Variants in ACYP2 observed in about 807,000 individuals in gnomAD.
ACYP2 encodes the protein acylphosphatase-2.
Under a neutral mutation model 11.2 loss-of-function variants are expected in ACYP2, and 12 were observed. That is an observed-to-expected ratio of 1.08 (90% CI 0.69 to 1.74). The LOEUF is 1.74. ACYP2 is among the 40% of genes most tolerant of loss of function. The pLI is 0.00. For synonymous variants in ACYP2, 43 were observed against 32.2 expected, an observed-to-expected ratio of 1.33 and a Z score of -1.13; for missense variants, 134 against 101.9, an observed-to-expected ratio of 1.31 and a Z score of -1.35.
intron 6 of ACYP2, among the ~76,000 whole-genome samples, chr2:54,301,211 T>G (rs1009377543): frequency 1.3e-5 from 2 of 152,234 alleles, no homozygotes; most frequent in African/African-American, 4.8e-5. Context: ...TTTGCTAACA[T>G]TACCAACATT....
chr2:54,202,076 C>G (rs116684352), intron 6 of ACYP2, among the ~76,000 whole-genome samples: 1,858 of 151,682 alleles, frequency 0.012, 33 homozygotes, highest in African/African-American at 0.043. Flanking sequence ...CTTGAGTTAA[C>G]TTTTGCATAC....
intron 6 of ACYP2, among the ~76,000 whole-genome samples, chr2:54,237,894 A>G (rs1396089283): frequency 6.6e-6 from 1 of 152,028 alleles, no homozygotes; most frequent in Non-Finnish European, 1.5e-5. Context: ...CTGGACATGC[A>G]TGAATGGGCC....
chr2:54,209,867 G>A (rs1404839911), intron 6 of ACYP2, among the ~76,000 whole-genome samples: 4 of 152,060 alleles, frequency 2.6e-5, no homozygotes, highest in Admixed American at 6.6e-5. Flanking sequence ...CAAGGCCGGC[G>A]CAGTGGCTCA....
Position 54,255,582 on chromosome 2 carries a change from C to A in ACYP2, c.405-49106C>A, listed in dbSNP as rs1687466429. The A allele has an allele frequency of 3.7e-6, 6 of 1,613,126 alleles. No individual in the cohort carries two copies. The South Asian group carries it at 6.6e-5, about 18-fold the overall frequency. The stretch of plus-strand genomic sequence containing the variant: ...CCACGTTCAGGGGCCCGGGCCCGGG[C>A]CCAGGCCCTGCCTCCCTGTTTACCT... On this transcript the variant is annotated intron_variant, in intron 6 of 6. Coordinates refer to ENST00000607452, the MANE Select transcript of ACYP2 (RefSeq NM_001320586.2).
chr2:54,169,343 C>T (rs576094561), intron 6 of ACYP2, among the ~76,000 whole-genome samples: 9 of 152,166 alleles, frequency 5.9e-5, no homozygotes, highest in Non-Finnish European at 1.3e-4. Flanking sequence ...CCTCCCCTAT[C>T]CCCCTTTGAC....
At chr2:54,265,327 A>C (rs193128295) in intron 6 of ACYP2, among the ~76,000 whole-genome samples, 2 of 152,192 alleles carry the variant, frequency 1.3e-5, no homozygotes, top group East Asian at 3.8e-4. Flanking sequence ...GGAAACTCCC[A>C]TTTTTAAAAC....
intron 6 of ACYP2, among the ~76,000 whole-genome samples, chr2:54,208,825 G>A (rs1361779574): frequency 6.6e-6 from 1 of 151,948 alleles, no homozygotes; most frequent in Non-Finnish European, 1.5e-5. Flanking sequence ...ATGGGAGTAG[G>A]CATTTGTTGC....
At chr2:54,153,759 C>G (rs1682306115) in intron 6 of ACYP2, among the ~76,000 whole-genome samples, 2 of 151,754 alleles carry the variant, frequency 1.3e-5, no homozygotes, top group Non-Finnish European at 2.9e-5. Context: ...GCCACCACAC[C>G]CGGCTAATTT....
At chr2:54,133,662 G>T (rs1435094254) in intron 4 of ACYP2, among the ~76,000 whole-genome samples, 2 of 152,184 alleles carry the variant, frequency 1.3e-5, no homozygotes, top group African/African-American at 4.8e-5. Flanking sequence ...TTTGGATCAA[G>T]AGTTTTCCAA....
intron 4 of ACYP2, among the ~76,000 whole-genome samples, chr2:54,070,901 T>G (rs898242252): frequency 1.7e-4 from 20 of 117,250 alleles, no homozygotes; most frequent in African/African-American, 6.0e-4. Flanking sequence ...CCCAGCTATT[T>G]GTTTGTTTGT....
intron 6 of ACYP2, among the ~76,000 whole-genome samples, chr2:54,257,551 T>A (rs902348878): frequency 7.2e-5 from 11 of 152,012 alleles, no homozygotes; most frequent in Non-Finnish European, 1.5e-4. Flanking sequence ...AAAAATAATT[T>A]GAGAAATATA....
At chr2:54,137,964 T>C (rs1163742378) in intron 5 of ACYP2, among the ~76,000 whole-genome samples, 2 of 152,216 alleles carry the variant, frequency 1.3e-5, no homozygotes, top group African/African-American at 4.8e-5. Flanking sequence ...GGCTTTTTAA[T>C]AATCGCCATT....
intron 4 of ACYP2, among the ~76,000 whole-genome samples, chr2:54,127,165 C>T (rs1399619483): frequency 2.0e-5 from 3 of 148,114 alleles, no homozygotes; most frequent in African/African-American, 5.0e-5. Flanking sequence ...TTCTACATGG[C>T]ACTGCTCTTT....
chr2:54,284,066 G>A (rs1297641959), intron 6 of ACYP2, among the ~76,000 whole-genome samples: 2 of 152,182 alleles, frequency 1.3e-5, no homozygotes, highest in African/African-American at 2.4e-5. Flanking sequence ...AGCCGAGATC[G>A]TGCCACTGCA....
intron 4 of ACYP2, among the ~76,000 whole-genome samples, chr2:54,091,293 T>G (rs2103681835): frequency 6.6e-6 from 1 of 152,286 alleles, no homozygotes; most frequent in Non-Finnish European, 1.5e-5. Flanking sequence ...AGCTAAATCC[T>G]CATTTTCCAA....
At chr2:54,013,602 C>A (rs1673515436) in intron 2 of ACYP2, among the ~76,000 whole-genome samples, 1 of 151,642 alleles carries the variant, frequency 6.6e-6, no homozygotes, top group African/African-American at 2.4e-5. Context: ...GCACGGCCAC[C>A]ATCTAATAAA....
chr2:54,078,656 G>A (rs1677478120), intron 4 of ACYP2, among the ~76,000 whole-genome samples: 1 of 150,240 alleles, frequency 6.7e-6, no homozygotes, highest in African/African-American at 2.5e-5. Flanking sequence ...CTGGAGTGCA[G>A]TGGCGCAATT....
At position 54,304,751 on chromosome 2, in the gene ACYP2, T is replaced by G. The variant is rs369937987; in HGVS notation, c.468T>G (p.Asn156Lys). Residue 156 changes from asparagine (N) to lysine (K), a missense_variant, in exon 7 of 7, where the codon AAT becomes AAG. By Grantham distance (94) the Asn-to-Lys change is moderately conservative. Transcript: ENST00000607452. ...GCATTGACCGCACAAACTTTTCTAATGAAAAAACCATCTCTAAGCTTGAAT... is the reference window on the plus strand; with the variant it reads ...GCATTGACCGCACAAACTTTTCTAAGGAAAAAACCATCTCTAAGCTTGAAT... 22 of 1,612,140 alleles carry G rather than the reference T, an allele frequency of 1.4e-5. No individual in the cohort carries two copies. The highest frequency in any genetic ancestry group is 6.7e-5 in the Admixed American group (4 of 59,982).
chr2:54,174,313 T>C (rs952427377), intron 6 of ACYP2, among the ~76,000 whole-genome samples: 2 of 152,208 alleles, frequency 1.3e-5, no homozygotes, highest in Non-Finnish European at 2.9e-5. Flanking sequence ...GGGAGTTCAC[T>C]CATGATTTGA....
Sources: gnomAD v4.1 joint callset for allele counts (sites outside exome capture counted in the v4.1 genomes callset) on GRCh38, gnomAD v4.1.1 for gene constraint, MANE v1.5 for transcripts, NCBI Gene and HGNC (gene_info 2026-07-23, HGNC 2026-07-21) for gene names.